Variants in HMGCLL1 observed in about 807,000 individuals in gnomAD.
HMGCLL1 encodes the protein 3-hydroxymethyl-3-methylglutaryl-CoA lyase, cytoplasmic.
In HMGCLL1, 36 loss-of-function variants were observed where a neutral mutation model predicts 39.1. That is an observed-to-expected ratio of 0.92 (90% CI 0.71 to 1.22). The LOEUF is 1.22. Ranked by LOEUF, HMGCLL1 falls within the 50% of genes most tolerant of loss-of-function variation. The pLI, the probability that HMGCLL1 is intolerant of heterozygous loss-of-function variation, is 0.00. For synonymous variants in HMGCLL1, 149 were observed against 144.0 expected, an observed-to-expected ratio of 1.03 and a Z score of -0.25; for missense variants, 451 against 416.5, an observed-to-expected ratio of 1.08 and a Z score of -0.72.
chr6:55,493,868 G>T (rs751880284), intron 7 of HMGCLL1, among the ~76,000 whole-genome samples: 4 of 151,948 alleles, frequency 2.6e-5, no homozygotes, highest in Non-Finnish European at 4.4e-5. Flanking sequence ...AAGTAGCTGG[G>T]ACTACAGGCG....
chr6:55,574,072 T>C (rs1054628743), intron 1 of HMGCLL1, among the ~76,000 whole-genome samples: 4 of 152,100 alleles, frequency 2.6e-5, no homozygotes, highest in Non-Finnish European at 5.9e-5. Context: ...ATAAAACTTA[T>C]GTTTATAGTA....
chr6:55,672,685 C>G, the HMGCLL1 span, among the ~76,000 whole-genome samples: 2 of 151,868 alleles, frequency 1.3e-5, no homozygotes, highest in Non-Finnish European at 2.9e-5. Context: ...ACTATTCAAA[C>G]ATGCATATAC....
At chr6:55,558,216 A>C in intron 1 of HMGCLL1, among the ~76,000 whole-genome samples, 1 of 152,346 alleles carries the variant, frequency 6.6e-6, no homozygotes, top group East Asian at 1.9e-4. Context: ...TTTTTCTGTC[A>C]AACTTTATTT....
chr6:55,670,403 T>A, the HMGCLL1 span, among the ~76,000 whole-genome samples: 1 of 151,830 alleles, frequency 6.6e-6, no homozygotes, highest in African/African-American at 2.4e-5. Flanking sequence ...GAAAATACCA[T>A]GAATAAACAA....
the HMGCLL1 span, among the ~76,000 whole-genome samples, chr6:55,650,432 T>C: frequency 1.3e-5 from 2 of 151,758 alleles, no homozygotes; most frequent in Admixed American, 1.3e-4. Context: ...AGGCAGAGAC[T>C]CTTTTTCTTT....
chr6:55,467,460 A>G (rs1390790860), intron 7 of HMGCLL1, among the ~76,000 whole-genome samples: 1 of 152,074 alleles, frequency 6.6e-6, no homozygotes, highest in Non-Finnish European at 1.5e-5. Flanking sequence ...AACTAGAACG[A>G]AATTATATAC....
chr6:55,498,932 T>C (rs1485888241), intron 6 of HMGCLL1, among the ~76,000 whole-genome samples: 2 of 152,008 alleles, frequency 1.3e-5, no homozygotes, highest in Non-Finnish European at 2.9e-5. Flanking sequence ...CTGATGGAGA[T>C]TGGAAAGGCC....
chr6:55,500,447 A>G (rs1766817724), intron 5 of HMGCLL1, among the ~76,000 whole-genome samples: 2 of 152,018 alleles, frequency 1.3e-5, no homozygotes, highest in Admixed American at 1.3e-4. Flanking sequence ...CAGTCTTTGG[A>G]GTAGAAAAAT....
chr6:55,653,812 T>A, the HMGCLL1 span, among the ~76,000 whole-genome samples: 19 of 151,860 alleles, frequency 1.3e-4, no homozygotes. Flanking sequence ...ACTTCCAGCA[T>A]AGCACCAAAG....
At chr6:55,597,542 G>A in the HMGCLL1 span, among the ~76,000 whole-genome samples, 1 of 151,696 alleles carries the variant, frequency 6.6e-6, no homozygotes, top group Non-Finnish European at 1.5e-5. Context: ...AAAAAAAAGA[G>A]GTTGTAAGAG....
the HMGCLL1 span, among the ~76,000 whole-genome samples, chr6:55,665,604 T>A: frequency 6.6e-6 from 1 of 151,776 alleles, no homozygotes; most frequent in Non-Finnish European, 1.5e-5. Flanking sequence ...GCTGTTGAAA[T>A]TGTTTCTTCA....
At chr6:55,597,097 A>C in the HMGCLL1 span, among the ~76,000 whole-genome samples, 3 of 123,348 alleles carry the variant, frequency 2.4e-5, no homozygotes, top group African/African-American at 8.0e-5. Context: ...TTTTGTTTGA[A>C]TTTTATTTCA....
the HMGCLL1 span, among the ~76,000 whole-genome samples, chr6:55,621,729 A>C: frequency 6.6e-6 from 1 of 152,046 alleles, no homozygotes; most frequent in Non-Finnish European, 1.5e-5. Flanking sequence ...AGTACACAAT[A>C]AATGTACTGT....
chr6:55,668,493 C>G, the HMGCLL1 span, among the ~76,000 whole-genome samples: 3 of 151,890 alleles, frequency 2.0e-5, no homozygotes, highest in Admixed American at 1.3e-4. Flanking sequence ...TCCCATCTCT[C>G]TCACTTTACG....
intron 7 of HMGCLL1, among the ~76,000 whole-genome samples, chr6:55,455,512 G>A (rs150338495): frequency 0.016 from 2,429 of 152,212 alleles, 38 homozygotes; most frequent in Non-Finnish European, 0.027. Context: ...GAGAAAACTC[G>A]CATGTCTAGA....
intron 1 of HMGCLL1, among the ~76,000 whole-genome samples, chr6:55,543,452 GATATATATC>G (rs1769724396): frequency 3.5e-5 from 3 of 84,642 alleles, no homozygotes; most frequent in African/African-American, 5.7e-5. Flanking sequence ...TGATATATAT[GATATATATC>G]ATATATATCA....
At chr6:55,614,188 C>T in the HMGCLL1 span, among the ~76,000 whole-genome samples, 1 of 152,054 alleles carries the variant, frequency 6.6e-6, no homozygotes, top group African/African-American at 2.4e-5. Flanking sequence ...TGAATTCTGT[C>T]TCTCCAAGGA....
intron 1 of HMGCLL1, among the ~76,000 whole-genome samples, chr6:55,554,955 G>A (rs1314776305): frequency 6.6e-6 from 1 of 152,134 alleles, no homozygotes; most frequent in Admixed American, 6.6e-5. Flanking sequence ...AACATTATAA[G>A]CAATCTCTCT....
At chr6:55,499,373 T>TA (rs1766759619) in intron 5 of HMGCLL1, 74 bp from the exon 6 acceptor site, 1 of 1,112,724 alleles carries the variant, frequency 9.0e-7, no homozygotes, top group African/African-American at 1.6e-5. Flanking sequence ...AATTAAGAAT[T>TA]AGCTGAAACT....
Sources: allele counts gnomAD v4.1 joint callset (sites outside exome capture counted in the v4.1 genomes callset), GRCh38; gene constraint gnomAD v4.1.1; transcripts MANE v1.5; gene names NCBI Gene and HGNC (gene_info 2026-07-23, HGNC 2026-07-21).